The following PSD2 variants were observed in gnomAD, a reference collection of about 807,000 sequenced individuals.
The protein encoded by PSD2 is PH and SEC7 domain-containing protein 2.
A neutral mutation model predicts 69.8 loss-of-function variants in PSD2; 38 were observed. That is an observed-to-expected ratio of 0.54 (90% CI 0.42 to 0.71). The LOEUF (loss-of-function observed/expected upper bound fraction) is 0.71, where lower values mean the gene tolerates loss of function less well. Ranked by LOEUF, PSD2 falls within the 30% of genes least tolerant of loss-of-function variation. The pLI, the probability that PSD2 is intolerant of heterozygous loss-of-function variation, is 0.00. For missense variants in PSD2, 943 were observed against 1,014.5 expected, an observed-to-expected ratio of 0.93 and a Z score of 0.96; for synonymous variants, 412 against 423.0, an observed-to-expected ratio of 0.97 and a Z score of 0.32.
At chr5:139,774,127 G>GTT in the PSD2 span, among the ~76,000 whole-genome samples, 8 of 148,536 alleles carry the variant, frequency 5.4e-5, no homozygotes, top group African/African-American at 7.4e-5. Flanking sequence ...ACTCGGTCTC[G>GTT]TTTTTTTTTT....
the PSD2 span, among the ~76,000 whole-genome samples, chr5:139,778,336 A>G: frequency 6.6e-6 from 1 of 152,224 alleles, no homozygotes; most frequent in African/African-American, 2.4e-5. Flanking sequence ...GCAGTGGTAC[A>G]CTGAGTAGCC....
chr5:139,827,461 A>G (rs533635770), intron 7 of PSD2, among the ~76,000 whole-genome samples: 28 of 152,362 alleles, frequency 1.8e-4, no homozygotes, highest in African/African-American at 6.5e-4. Context: ...TTCTAGGCAC[A>G]TATGACAGAA....
chr5:139,798,657 C>T (rs1759592401), intron 1 of PSD2, among the ~76,000 whole-genome samples: 1 of 152,164 alleles, frequency 6.6e-6, no homozygotes, highest in Admixed American at 6.5e-5. Context: ...GTTTCTCTCT[C>T]TCTCTCTTTC....
At position 139,830,823 on chromosome 5, in the gene PSD2, CTTTTTTTTTTT is replaced by C. The variant is rs60786662; in HGVS notation, c.1270-2867_1270-2857del. Among the ~76,000 whole-genome samples the C allele has an allele frequency of 7.8e-3, 644 of 82,968 alleles. 6 individuals are homozygous for C. Among genetic ancestry groups the C allele is most frequent in the African/African-American group, 0.03 (611 of 20,130 alleles). The allele number at this position is 82,968 out of a possible 152,430, so 54.4% of individuals were successfully genotyped here. A position where few individuals can be genotyped will look rare whatever the true frequency, so the allele number is the denominator to read the frequency against. On this transcript the variant is annotated intron_variant, in intron 7 of 14. Transcript: ENST00000274710. Reference sequence around the variant, plus strand: ...GTGTGAGCCACCACACCTGGACTTGCTTTTTTTTTTTTTTTTTTTTTTATTGATTCAATCTC... The same window carrying C: ...GTGTGAGCCACCACACCTGGACTTGCTTTTTTTTTTTATTGATTCAATCTC...
chr5:139,749,311 A>T, the PSD2 span, among the ~76,000 whole-genome samples: 1 of 152,134 alleles, frequency 6.6e-6, no homozygotes, highest in Non-Finnish European at 1.5e-5. Flanking sequence ...TCTCTCCCAG[A>T]GTTCCAGTGT....
chr5:139,836,764 G>A (rs770718980), intron 9 of PSD2, 47 bp from the exon 10 acceptor site: 3 of 1,566,490 alleles, frequency 1.9e-6, no homozygotes, highest in Non-Finnish European at 2.6e-6. Context: ...GACGATGCGG[G>A]GCCGAGGCCT....
At chr5:139,750,398 G>T in the PSD2 span, among the ~76,000 whole-genome samples, 12 of 151,904 alleles carry the variant, frequency 7.9e-5, no homozygotes, top group Admixed American at 2.6e-4. Flanking sequence ...GCCTCCACCA[G>T]CCCTGCCCAT....
chr5:139,842,532 A>G lies in PSD2; in HGVS notation c.*58A>G. ...GATGTCTCCAGTGGGGTCAGTGAGC[A>G]CAATTCCAGCCAGGGGCCACTTGGA... On this transcript the variant is annotated 3_prime_UTR_variant, in exon 15 of 15. Transcript: ENST00000274710. 1 of 1,522,868 alleles carries G rather than the reference A, an allele frequency of 6.6e-7. No homozygotes were observed. Among genetic ancestry groups the G allele is most frequent in the Non-Finnish European group, 9.0e-7 (1 of 1,105,132 alleles). 94.3% of individuals were successfully genotyped at this position (1,522,868 alleles called of 1,614,324 possible).
At position 139,809,511 on chromosome 5, in the gene PSD2, C is replaced by T. The variant is rs766644751; in HGVS notation, c.71C>T (p.Pro24Leu). The change falls in exon 2 of 15, where the codon CCT becomes CTT. Residue 24 changes from proline to leucine, a missense_variant. By Grantham distance (98) the Pro-to-Leu change is moderately conservative. This residue lies in a region of PSD2 where 466 missense variants were observed against 445.0 expected (regional missense o/e 1.05). Coordinates refer to ENST00000274710, the MANE Select transcript of PSD2 (RefSeq NM_032289.4). ...GDATRDPGPE[P>L]EEEPGVRNGM... ...GCCACCCGTGACCCCGGTCCAGAGC[C>T]TGAAGAGGAGCCAGGGGTCCGGAAT... 1 of 1,613,114 alleles carries T rather than the reference C, an allele frequency of 6.2e-7. No homozygotes were observed. Among genetic ancestry groups the T allele is most frequent in the East Asian group, 2.2e-5 (1 of 44,850 alleles).
chr5:139,778,790 G>A, the PSD2 span, among the ~76,000 whole-genome samples: 1 of 151,990 alleles, frequency 6.6e-6, no homozygotes, highest in Non-Finnish European at 1.5e-5. Flanking sequence ...TTAGCTGGGT[G>A]TGGTGGCACG....
At chr5:139,746,454 G>T in the PSD2 span, among the ~76,000 whole-genome samples, 1 of 152,178 alleles carries the variant, frequency 6.6e-6, no homozygotes, top group Non-Finnish European at 1.5e-5. This position sits in a 1 kb window ranked among gnomAD's most constrained non-coding sequence, Gnocchi z 4.5. Flanking sequence ...TCTCCCTGCC[G>T]CAGGCTACCT....
At chr5:139,752,985 G>T in the PSD2 span, among the ~76,000 whole-genome samples, 1 of 151,762 alleles carries the variant, frequency 6.6e-6, no homozygotes, top group Non-Finnish European at 1.5e-5. Context: ...CTTTGAGGGA[G>T]AAAGGGGCAT....
rs80298023 is a variant in PSD2 at position 139,829,838 on chromosome 5, G to T, written c.1270-3864G>T. Among the ~76,000 whole-genome samples, 628 of 151,984 alleles carry T rather than the reference G, an allele frequency of 4.1e-3. 2 individuals are homozygous for T. The highest frequency in any genetic ancestry group is 0.014 in the African/African-American group (591 of 41,406). ...TCTGAATATCTGTTTTCATATTTTG[G>T]GGGTATATACCTAGGATTGACTTGC... On this transcript the variant is annotated intron_variant, in intron 7 of 14. Coordinates refer to ENST00000274710, the MANE Select transcript of PSD2 (RefSeq NM_032289.4).
the PSD2 span, among the ~76,000 whole-genome samples, chr5:139,746,436 C>A: frequency 5.9e-5 from 9 of 152,212 alleles, no homozygotes; most frequent in African/African-American, 1.9e-4. The surrounding 1 kb of genome is among the most constrained non-coding windows in gnomAD (Gnocchi z 4.5). Flanking sequence ...GGGGGGTCAC[C>A]CGAGCCTTCT....
the PSD2 span, among the ~76,000 whole-genome samples, chr5:139,769,980 G>A: frequency 6.6e-6 from 1 of 152,208 alleles, no homozygotes; most frequent in Non-Finnish European, 1.5e-5. Context: ...TTGTAAGTGG[G>A]GTCCAGTGGG....
At chr5:139,776,516 A>G in the PSD2 span, among the ~76,000 whole-genome samples, 3 of 152,192 alleles carry the variant, frequency 2.0e-5, no homozygotes, top group South Asian at 2.1e-4. Flanking sequence ...AAAGAGGTCA[A>G]TAAGATATGT....
At chr5:139,756,232 C>A in the PSD2 span, among the ~76,000 whole-genome samples, 3 of 152,214 alleles carry the variant, frequency 2.0e-5, no homozygotes, top group Non-Finnish European at 4.4e-5. Flanking sequence ...CGCTGCGCCC[C>A]CCCTTTCATG....
intron 1 of PSD2, among the ~76,000 whole-genome samples, chr5:139,801,204 CAA>C (rs56715764): frequency 0.014 from 1,781 of 127,058 alleles, 32 homozygotes; most frequent in African/African-American, 0.046. Context: ...GACTCCATCT[CAA>C]AAAAAAAAAA....
the PSD2 span, among the ~76,000 whole-genome samples, chr5:139,773,461 A>G: frequency 2.0e-5 from 3 of 151,950 alleles, no homozygotes; most frequent in African/African-American, 7.3e-5. Context: ...GAGTCTTGCT[A>G]TGTTGCCCAG....
Sources: gnomAD v4.1 joint callset for allele counts (sites outside exome capture counted in the v4.1 genomes callset) on GRCh38, gnomAD v4.1.1 for gene constraint, gnomAD v4.1.1 regional missense constraint, Gnocchi (gnomAD v3.1) non-coding constraint, MANE v1.5 for transcripts, NCBI Gene and HGNC (gene_info 2026-07-23, HGNC 2026-07-21) for gene names.